FAM222B: variants seen among roughly 807,000 people sequenced by gnomAD.
FAM222B encodes the protein family with sequence similarity 222 member B.
In FAM222B, 12 loss-of-function variants were observed where a neutral mutation model predicts 38.0. That is an observed-to-expected ratio of 0.32 (90% confidence interval 0.20 to 0.51). The LOEUF is 0.51. FAM222B is among the 20% of genes least tolerant of loss of function. FAM222B has a pLI of 0.97. For missense variants in FAM222B, 716 were observed against 754.2 expected (o/e 0.95, Z 0.59); for synonymous variants, 329 against 317.2 (o/e 1.04, Z -0.40).
chr17:28,776,852 G>T (rs990821183), intron 1 of FAM222B, among the ~76,000 whole-genome samples: 1 of 152,034 alleles, frequency 6.6e-6, no homozygotes, highest in Non-Finnish European at 1.5e-5. Context: ...TTAAACCTAA[G>T]GGAGACACCA....
intron 1 of FAM222B, chr17:28,848,924 CCTGGCAGCA>C (rs1598070034): frequency 6.6e-6 from 1 of 152,144 alleles, no homozygotes; most frequent in Admixed American, 6.6e-5. Context: ...TACCCCTAGT[CCTGGCAGCA>C]CTGATTCCCC....
chr17:28,758,908 G>T lies in FAM222B; in HGVS notation c.1051C>A (p.Arg351Ser). 1 of 1,609,296 alleles carries T rather than the reference G, an allele frequency of 6.2e-7. No homozygotes were observed. The highest frequency in any genetic ancestry group is 8.5e-7 in the Non-Finnish European group (1 of 1,178,242). ...TCGCTAGGGTAGCCAGTGGGGACGC[G>T]AGAGATGCCTGTGGGCAGGTTGACA... ...GPVNLPTGIS[R>S]VPTGYPSDLK... The change falls in exon 3 of 3, where the codon CGC (arginine) becomes AGC (serine). Residue 351 changes from arginine (R) to serine (S), a missense_variant. Coordinates refer to ENST00000581407, the MANE Select transcript of FAM222B (RefSeq NM_001077498.3).
At chr17:28,760,445 A>G (rs1246353412) in intron 2 of FAM222B, among the ~76,000 whole-genome samples, 2 of 152,058 alleles carry the variant, frequency 1.3e-5, no homozygotes, top group Non-Finnish European at 2.9e-5. Context: ...GCGTGATGGC[A>G]AGCACCTGTA....
chr17:28,775,913 CAAA>C (rs527771562), intron 1 of FAM222B, among the ~76,000 whole-genome samples: 1 of 146,828 alleles, frequency 6.8e-6, no homozygotes. Context: ...AACAAAAAAA[CAAA>C]AAAAACAAAA....
chr17:28,854,099 A>C (rs1338847825), intron 1 of FAM222B, among the ~76,000 whole-genome samples: 1 of 151,694 alleles, frequency 6.6e-6, no homozygotes, highest in Non-Finnish European at 1.5e-5. Context: ...GCCCGCCACC[A>C]CGCCCGGCTA....
At chr17:28,811,317 G>A (rs2151925333) in intron 1 of FAM222B, among the ~76,000 whole-genome samples, 2 of 152,278 alleles carry the variant, frequency 1.3e-5, no homozygotes, top group South Asian at 2.1e-4. Flanking sequence ...GCAGGCGCCT[G>A]TAATCCCAGC....
At chr17:28,837,671 C>T (rs1465781577) in intron 1 of FAM222B, among the ~76,000 whole-genome samples, 7 of 148,592 alleles carry the variant, frequency 4.7e-5, no homozygotes, top group South Asian at 2.1e-4. Context: ...TTTTTTGAGA[C>T]GGAGTCTCGC....
At chr17:28,785,525 T>G (rs970316539) in intron 1 of FAM222B, among the ~76,000 whole-genome samples, 3 of 152,112 alleles carry the variant, frequency 2.0e-5, no homozygotes, top group Admixed American at 6.5e-5. Flanking sequence ...ATGATGATGA[T>G]GATGAGGATG....
At chr17:28,814,089 C>T (rs1408303592) in intron 1 of FAM222B, among the ~76,000 whole-genome samples, 2 of 151,344 alleles carry the variant, frequency 1.3e-5, no homozygotes, top group Non-Finnish European at 2.9e-5. Flanking sequence ...CGTGGTAACT[C>T]GCACGGTAGT....
At chr17:28,792,944 G>GTC (rs957373763) in intron 1 of FAM222B, among the ~76,000 whole-genome samples, 1 of 151,360 alleles carries the variant, frequency 6.6e-6, no homozygotes, top group African/African-American at 2.4e-5. Context: ...TTAAGATAGG[G>GTC]TCTCACTCTG....
chr17:28,791,675 ATTTTTTTTTT>A (rs869183871), intron 1 of FAM222B, among the ~76,000 whole-genome samples: 2 of 116,850 alleles, frequency 1.7e-5, no homozygotes, highest in Non-Finnish European at 3.5e-5. Flanking sequence ...GAGCCCAGGA[ATTTTTTTTTT>A]TTTTTTTTTT....
intron 1 of FAM222B, among the ~76,000 whole-genome samples, chr17:28,824,197 T>A (rs543565747): frequency 8.7e-4 from 130 of 149,812 alleles, no homozygotes; most frequent in African/African-American, 2.9e-3. Context: ...TTTTTTTTTT[T>A]AATTTTAGAC....
intron 1 of FAM222B, among the ~76,000 whole-genome samples, chr17:28,833,009 T>TA (rs779596504): frequency 0.019 from 1,718 of 90,698 alleles, 16 homozygotes; most frequent in Middle Eastern, 0.028. Context: ...CTGTCTCTAT[T>TA]AAAAAAAAAA....
chr17:28,775,983 C>T (rs1001429709), intron 1 of FAM222B, among the ~76,000 whole-genome samples: 2 of 144,332 alleles, frequency 1.4e-5, no homozygotes, highest in Admixed American at 1.4e-4. Flanking sequence ...GGCTGAGGCA[C>T]GAGAGTCGTT....
chr17:28,771,125 C>T (rs890695376), intron 1 of FAM222B, among the ~76,000 whole-genome samples: 21 of 151,392 alleles, frequency 1.4e-4, no homozygotes, highest in African/African-American at 4.9e-4. Flanking sequence ...AATCCAAGGT[C>T]AGACAGCATA....
chr17:28,783,868 G>A (rs1370404386), intron 1 of FAM222B, among the ~76,000 whole-genome samples: 1 of 151,574 alleles, frequency 6.6e-6, no homozygotes, highest in Non-Finnish European at 1.5e-5. Context: ...GCACAATCTC[G>A]GCTCACTGCA....
chr17:28,838,395 A>G, intron 1 of FAM222B, among the ~76,000 whole-genome samples: 1 of 151,358 alleles, frequency 6.6e-6, no homozygotes, highest in East Asian at 2.0e-4. Flanking sequence ...CCTGGCTAAC[A>G]CGGTGAAACC....
intron 1 of FAM222B, among the ~76,000 whole-genome samples, chr17:28,841,033 G>A (rs973139322): frequency 6.6e-6 from 1 of 152,074 alleles, no homozygotes; most frequent in African/African-American, 2.4e-5. Flanking sequence ...GGTGGCTCAC[G>A]CCTGTAATCC....
intron 1 of FAM222B, among the ~76,000 whole-genome samples, chr17:28,775,465 A>C (rs2035844142): frequency 6.6e-6 from 1 of 151,396 alleles, no homozygotes; most frequent in Non-Finnish European, 1.5e-5. Flanking sequence ...TGCCTTCAAA[A>C]AAAAAAAAAA....
Sources: allele counts gnomAD v4.1 joint callset (sites outside exome capture counted in the v4.1 genomes callset), GRCh38; gene constraint gnomAD v4.1.1; transcripts MANE v1.5; gene names NCBI Gene and HGNC (gene_info 2026-07-23, HGNC 2026-07-21).